CECR2: variants seen among roughly 807,000 people sequenced by gnomAD.
CECR2 encodes CECR2 histone acetyl-lysine reader.
Under a neutral mutation model 154.5 loss-of-function variants are expected in CECR2, and 30 were observed. That is an observed-to-expected ratio of 0.19 (90% CI 0.15 to 0.26). CECR2 has a LOEUF of 0.26. Ranked by LOEUF, CECR2 falls within the 10% of genes least tolerant of loss-of-function variation. The pLI, the probability that CECR2 is intolerant of heterozygous loss-of-function variation, is 1.00. For missense variants in CECR2, 1,743 were observed against 1,829.3 expected (o/e 0.95, Z 0.86); for synonymous variants, 725 against 683.7 (o/e 1.06, Z -0.94).
intron 1 of CECR2, among the ~76,000 whole-genome samples, chr22:17,460,850 T>C (rs5747175): frequency 3.3e-5 from 5 of 152,296 alleles, no homozygotes; most frequent in Admixed American, 2.6e-4. Flanking sequence ...AAATCTCTTA[T>C]GTTTATATCA....
chr22:17,508,307 C>G (rs911614219), intron 7 of CECR2, among the ~76,000 whole-genome samples: 2 of 151,974 alleles, frequency 1.3e-5, no homozygotes, highest in Non-Finnish European at 2.9e-5. Flanking sequence ...CACATTCACA[C>G]CACTCAGTCA....
At chr22:17,378,589 G>A (rs1233347849) in intron 1 of CECR2, among the ~76,000 whole-genome samples, 2 of 152,130 alleles carry the variant, frequency 1.3e-5, no homozygotes, top group Admixed American at 6.6e-5. Flanking sequence ...CCTGGCCCTC[G>A]TTTTAAGATG....
At chr22:17,535,160 C>CA (rs1054849927) in intron 9 of CECR2, among the ~76,000 whole-genome samples, 57 of 149,658 alleles carry the variant, frequency 3.8e-4, no homozygotes, top group African/African-American at 1.3e-3. Flanking sequence ...CAAAACAAAA[C>CA]AAAAAAAATT....
intron 2 of CECR2, among the ~76,000 whole-genome samples, chr22:17,482,929 C>T (rs1339505715): frequency 4.6e-5 from 7 of 152,158 alleles, no homozygotes; most frequent in Non-Finnish European, 1.0e-4. Flanking sequence ...GATCCTCCCA[C>T]CTTGGCCTCC....
At position 17,546,211 on chromosome 22, in the gene CECR2, G is replaced by A. The variant is rs990500484; in HGVS notation, c.2861-1937G>A. Among the ~76,000 whole-genome samples the A allele has an allele frequency of 3.3e-5, 5 of 152,104 alleles. No individual in the cohort carries two copies. In the East Asian group the frequency reaches 5.8e-4, roughly 18 times the overall value. ...GCTTTACAAGAATCCTGTTTAGGCC[G>A]GCGCGATGGCTCACGCCTGTAATCC... On this transcript the variant is annotated intron_variant, in intron 16 of 18. Coordinates refer to ENST00000262608, the MANE Select transcript of CECR2 (RefSeq NM_001290047.2).
In CECR2 at chr22:17,499,248, C is replaced by T. The variant is rs561570703; in HGVS notation, c.406-162C>T. Among the ~76,000 whole-genome samples, 84 of 152,308 alleles carry T rather than the reference C, an allele frequency of 5.5e-4. 1 individual carries two copies. Among genetic ancestry groups the T allele is most frequent in the Non-Finnish European group, 1.0e-3 (71 of 68,022 alleles). Reference sequence around the variant, plus strand: ...CCATGATTTGCCCGCCTCAGCCTCCCAAAGTGCTGGGATTACAGGCGTGAG... The same window carrying T: ...CCATGATTTGCCCGCCTCAGCCTCCTAAAGTGCTGGGATTACAGGCGTGAG... On this transcript the variant is annotated intron_variant, in intron 3 of 18. Coordinates refer to ENST00000262608, the MANE Select transcript of CECR2 (RefSeq NM_001290047.2).
chr22:17,429,811 A>G (rs987829908), intron 1 of CECR2, among the ~76,000 whole-genome samples: 3 of 152,224 alleles, frequency 2.0e-5, no homozygotes, highest in African/African-American at 7.2e-5. Flanking sequence ...GCTTGATTGC[A>G]TGAGCCTCAA....
chr22:17,525,312 A>AAAAAAAAAAAAAAG (rs2056243144), intron 9 of CECR2, among the ~76,000 whole-genome samples: 1 of 145,476 alleles, frequency 6.9e-6, no homozygotes, highest in African/African-American at 2.5e-5. Flanking sequence ...AAAAAAAAAA[A>AAAAAAAAAAAAAAG]AAAGAAAGGA....
Position 17,540,369 on chromosome 22 carries a change from C to T in CECR2, c.1496-43C>T, listed in dbSNP as rs369496622. The T allele has an allele frequency of 1.0e-4, 148 of 1,449,668 alleles. No individual in the cohort carries two copies. The African/African-American group carries it at 1.8e-3, about 18-fold the overall frequency. The allele number at this position is 1,449,668 out of a possible 1,614,324, so 89.8% of individuals were successfully genotyped here. ...AAACTATAGTTTCTATAAACAATTTCTGTAAACTATACCTAGAAGTCAATC... is the reference window on the plus strand; with the variant it reads ...AAACTATAGTTTCTATAAACAATTTTTGTAAACTATACCTAGAAGTCAATC... On this transcript the variant is annotated intron_variant, in intron 13 of 18. Coordinates refer to ENST00000262608, the MANE Select transcript of CECR2 (RefSeq NM_001290047.2).
intron 1 of CECR2, among the ~76,000 whole-genome samples, chr22:17,401,638 C>A (rs758701926): frequency 2.6e-5 from 4 of 152,098 alleles, no homozygotes; most frequent in Non-Finnish European, 5.9e-5. Context: ...CTGTAGCATG[C>A]GTCAGTAGTT....
chr22:17,451,452 G>C (rs2054768965), intron 1 of CECR2, among the ~76,000 whole-genome samples: 1 of 152,166 alleles, frequency 6.6e-6, no homozygotes, highest in Non-Finnish European at 1.5e-5. Flanking sequence ...ATAGCTCAAG[G>C]GGAAGCTAGG....
intron 1 of CECR2, among the ~76,000 whole-genome samples, chr22:17,458,416 A>G (rs75368704): frequency 5.5e-5 from 8 of 146,302 alleles, no homozygotes; most frequent in African/African-American, 2.0e-4. Context: ...TCTGTCTCCA[A>G]AAAAAAAAAA....
At chr22:17,482,693 C>G (rs1199778130) in intron 2 of CECR2, among the ~76,000 whole-genome samples, 1 of 151,716 alleles carries the variant, frequency 6.6e-6, no homozygotes, top group Non-Finnish European at 1.5e-5. Context: ...ACCACCAGGC[C>G]CATCTAATTT....
chr22:17,403,142 C>T (rs1172074787), intron 1 of CECR2, among the ~76,000 whole-genome samples: 2 of 152,230 alleles, frequency 1.3e-5, no homozygotes, highest in Non-Finnish European at 2.9e-5. Flanking sequence ...AGCGTGGACT[C>T]ATTGATACTT....
chr22:17,542,460 G>A lies in CECR2; in HGVS notation c.2317G>A (p.Val773Ile), dbSNP rs893590232. 9.9e-6 allele frequency: 16 copies of A among 1,613,806 alleles called. No individual in the cohort carries two copies. Among genetic ancestry groups the A allele is most frequent in the Admixed American group, 8.3e-5 (5 of 59,988 alleles). Residue 773 changes from valine (V) to isoleucine (I), a missense_variant, in exon 16 of 19, where the codon GTC becomes ATC. Physicochemically the swap from Val to Ile is conservative, Grantham distance 29. Coordinates refer to ENST00000262608, the MANE Select transcript of CECR2 (RefSeq NM_001290047.2). ...GTACCTGAATCGAGTACACTCTGCC[G>A]TCTGGAATGGGAACCATGGTGCTAC... ...YKYLNRVHSAVWNGNHGATNQ... is the reference protein window; with the variant it reads ...YKYLNRVHSAIWNGNHGATNQ...
intron 6 of CECR2, among the ~76,000 whole-genome samples, chr22:17,504,585 C>T (rs948829228): frequency 1.3e-4 from 19 of 151,420 alleles, no homozygotes; most frequent in African/African-American, 4.4e-4. Context: ...CACAGGCGCC[C>T]GCCACCGCGC....
chr22:17,399,754 A>G (rs183039197), intron 1 of CECR2, among the ~76,000 whole-genome samples: 7 of 152,334 alleles, frequency 4.6e-5, no homozygotes, highest in Admixed American at 4.6e-4. Flanking sequence ...GTACACTCAG[A>G]TGCGACTATA....
chr22:17,426,608 C>T (rs968546710), intron 1 of CECR2, among the ~76,000 whole-genome samples: 21 of 152,262 alleles, frequency 1.4e-4, no homozygotes, highest in African/African-American at 5.1e-4. Flanking sequence ...CCGCCCGCCT[C>T]AGCCTCCCAA....
chr22:17,549,672 G>A, intron 17 of CECR2, 108 bp downstream of exon 17: 1 of 999,800 alleles, frequency 1.0e-6, no homozygotes, highest in Non-Finnish European at 1.5e-6. Context: ...GAGTGCAGTG[G>A]TGTGATCATG....
Sources: gnomAD v4.1 joint callset for allele counts (sites outside exome capture counted in the v4.1 genomes callset) on GRCh38, gnomAD v4.1.1 for gene constraint, MANE v1.5 for transcripts, NCBI Gene and HGNC (gene_info 2026-07-23, HGNC 2026-07-21) for gene names.